CYFIP1: variants seen among roughly 807,000 people sequenced by gnomAD.
CYFIP1 encodes cytoplasmic FMR1-interacting protein 1.
Under a neutral mutation model 163.5 loss-of-function variants are expected in CYFIP1, and 58 were observed. The observed-to-expected ratio is 0.35, with a 90% CI of 0.29 to 0.44. The LOEUF (loss-of-function observed/expected upper bound fraction) is 0.44. Among genes scored for constraint, CYFIP1 ranks in the 20% least tolerant of loss-of-function variants. The pLI, the probability that CYFIP1 is intolerant of heterozygous loss-of-function variation, is 1.00. For synonymous variants in CYFIP1, 663 were observed against 660.7 expected (o/e 1.00, Z -0.05); for missense variants, 1,338 against 1,653.8 (o/e 0.81, Z 3.31).
intron 1 of CYFIP1, among the ~76,000 whole-genome samples, chr15:22,965,036 T>TTGTG (rs56857768): frequency 0.024 from 3,603 of 149,480 alleles, 112 homozygotes; most frequent in African/African-American, 0.075. Flanking sequence ...TAGTATTCCA[T>TTGTG]TGTGTGTGTG....
intron 13 of CYFIP1, 110 bp from the exon 14 acceptor site, chr15:22,918,968 TC>T: frequency 1.2e-6 from 1 of 853,740 alleles, no homozygotes; most frequent in South Asian, 1.8e-5. Flanking sequence ...CCTTACGCCC[TC>T]CCGCGTTCGT....
chr15:22,950,555 C>T (rs758845171), intron 1 of CYFIP1, among the ~76,000 whole-genome samples: 20 of 152,228 alleles, frequency 1.3e-4, no homozygotes, highest in Non-Finnish European at 1.6e-4. Flanking sequence ...TCACTTTCCA[C>T]GATTTCAATG....
intron 11 of CYFIP1, 29 bp from the exon 12 acceptor site, chr15:22,928,057 AAACC>A: frequency 1.4e-6 from 2 of 1,480,054 alleles, no homozygotes; most frequent in Non-Finnish European, 1.8e-6. Flanking sequence ...GCCCCGTGAG[AAACC>A]AGCGCCCCCA....
chr15:22,893,854 C>T (rs1566937170), intron 22 of CYFIP1, among the ~76,000 whole-genome samples: 1 of 152,152 alleles, frequency 6.6e-6, no homozygotes, highest in Non-Finnish European at 1.5e-5. Context: ...CTCTGTGCAC[C>T]TGCATCTGCG....
chr15:22,923,819 T>C (rs1444349528), intron 13 of CYFIP1, among the ~76,000 whole-genome samples: 1 of 151,598 alleles, frequency 6.6e-6, no homozygotes, highest in East Asian at 1.9e-4. Context: ...GGTTTGTGCC[T>C]GTGGTCCTAG....
At chr15:22,928,359 G>A (rs1023043634) in intron 11 of CYFIP1, among the ~76,000 whole-genome samples, 2 of 151,804 alleles carry the variant, frequency 1.3e-5, no homozygotes, top group African/African-American at 4.8e-5. Flanking sequence ...CTCCAGCCTG[G>A]GCGACAGAGC....
At position 22,917,590 on chromosome 15, in the gene CYFIP1, A is replaced by G; in HGVS notation, c.1674+198T>C. 1.5e-6 allele frequency: 1 copy of G among 662,100 alleles called. No individual in the cohort carries two copies. The highest frequency in any genetic ancestry group is 2.4e-6 in the Non-Finnish European group (1 of 411,666). The allele number at this position is 662,100 out of a possible 1,614,324, so 41.0% of individuals were successfully genotyped here. On this transcript the variant is annotated intron_variant, in intron 15 of 30. Coordinates refer to ENST00000617928, the MANE Select transcript of CYFIP1 (RefSeq NM_014608.6). This position sits in a 1 kb window ranked among gnomAD's most constrained non-coding sequence, Gnocchi z 4.2. ...TTTAGTGCACATGACACATCTGACA[A>G]TCAAGGCACGTCTCCTCACGCTCCC...
chr15:22,915,161 C>A, intron 16 of CYFIP1: 1 of 296,110 alleles, frequency 3.4e-6, no homozygotes, highest in Non-Finnish European at 6.1e-6. Flanking sequence ...GAGTCTATCT[C>A]ACTCTGTCAC....
intron 23 of CYFIP1, among the ~76,000 whole-genome samples, chr15:22,888,094 T>G (rs376064133): frequency 1.3e-5 from 2 of 152,332 alleles, no homozygotes; most frequent in South Asian, 4.1e-4. Flanking sequence ...AGTGGTGACA[T>G]GACCAAGAAC....
At chr15:22,934,881 A>G (rs1381596092) in intron 9 of CYFIP1, among the ~76,000 whole-genome samples, 1 of 152,086 alleles carries the variant, frequency 6.6e-6, no homozygotes, top group Non-Finnish European at 1.5e-5. Context: ...AAAAAAATGC[A>G]TCAGTAAATC....
rs868279883 is a variant in CYFIP1 at position 22,938,510 on chromosome 15, C to T, written c.795+682G>A. Among the ~76,000 whole-genome samples the T allele has an allele frequency of 4.6e-5, 7 of 152,090 alleles. No homozygotes were observed. In the Middle Eastern group the frequency reaches 0.014, roughly 296 times the overall value. ...GTCCCAGTTACTCAGGAGCCTGAGG[C>T]AGAAAGATCACTTGAGCCAAGGAGG... On this transcript the variant is annotated intron_variant, in intron 8 of 30. Transcript: ENST00000617928.
chr15:22,979,070 C>G (rs1347434666), intron 1 of CYFIP1, among the ~76,000 whole-genome samples: 1 of 152,170 alleles, frequency 6.6e-6, no homozygotes, highest in Admixed American at 6.5e-5. Flanking sequence ...CCTGTCTTAA[C>G]GCAGGAAACG....
At chr15:22,892,246 T>A (rs541564345) in intron 23 of CYFIP1, among the ~76,000 whole-genome samples, 1 of 152,352 alleles carries the variant, frequency 6.6e-6, no homozygotes, top group Non-Finnish European at 1.5e-5. Context: ...TCTTCGTTGC[T>A]ACAATGTTTA....
chr15:22,979,426 C>T (rs996855995), intron 1 of CYFIP1, among the ~76,000 whole-genome samples: 3 of 150,554 alleles, frequency 2.0e-5, no homozygotes, highest in African/African-American at 7.4e-5. Context: ...CCGCTCCCGG[C>T]GCAGCCACGG....
At chr15:22,914,999 T>C (rs1395102633) in intron 16 of CYFIP1, 117 bp from the exon 17 acceptor site, 2 of 1,117,378 alleles carry the variant, frequency 1.8e-6, no homozygotes, top group Non-Finnish European at 2.5e-6. Context: ...CCCCAAGCCA[T>C]GCAGCATGGA....
At position 22,874,601 on chromosome 15, in the gene CYFIP1, C is replaced by T. The variant is rs761126168; in HGVS notation, c.3159G>A (p.Lys1053=). ...LDAKMKRLES[K]YAPLHLVPLI... ...GTGGGACAAGATGCAGCGGGGCGTA[C>T]TTTGATTCTAGTCTTTTCATTTTGG... The change falls in exon 28 of 31, where the codon AAG becomes AAA. Residue 1053 remains lysine, a synonymous_variant. Transcript: ENST00000617928. The T allele has an allele frequency of 1.2e-6, 2 of 1,607,304 alleles. No individual in the cohort carries two copies. The highest frequency in any genetic ancestry group is 1.7e-5 in the Admixed American group (1 of 58,358).
At chr15:22,884,659 T>G (rs562068325) in intron 23 of CYFIP1, among the ~76,000 whole-genome samples, 1 of 152,252 alleles carries the variant, frequency 6.6e-6, no homozygotes, top group East Asian at 1.9e-4. Flanking sequence ...GCCCTCTTTT[T>G]ACAGCTCCAC....
chr15:22,940,850 G>T (rs2061872773), intron 6 of CYFIP1, among the ~76,000 whole-genome samples: 1 of 152,132 alleles, frequency 6.6e-6, no homozygotes, highest in Non-Finnish European at 1.5e-5. Flanking sequence ...CACCAGCCTG[G>T]CCAACATGGT....
chr15:22,937,605 T>TC (rs1205189066), intron 8 of CYFIP1, among the ~76,000 whole-genome samples: 2 of 143,788 alleles, frequency 1.4e-5, no homozygotes, highest in Non-Finnish European at 3.0e-5. Context: ...TCTTTTTTTG[T>TC]TTTTTTTTTT....
Sources: gnomAD v4.1 joint callset for allele counts (sites outside exome capture counted in the v4.1 genomes callset) on GRCh38, gnomAD v4.1.1 for gene constraint, Gnocchi (gnomAD v3.1) non-coding constraint, MANE v1.5 for transcripts, NCBI Gene and HGNC (gene_info 2026-07-23, HGNC 2026-07-21) for gene names.